Variants in ZNF556 observed in about 807,000 individuals in gnomAD.
The protein encoded by ZNF556 is zinc finger protein 556.
A neutral mutation model predicts 13.6 loss-of-function variants in ZNF556; 11 were observed. The ratio of observed to expected loss-of-function variants is 0.81; its 90% CI spans 0.51 to 1.33. ZNF556 has a LOEUF of 1.33. Among genes scored for constraint, ZNF556 ranks in the 40% most tolerant of loss-of-function variants. ZNF556 has a pLI of 0.00. For missense variants in ZNF556, 633 were observed against 566.2 expected, an observed-to-expected ratio of 1.12 and a Z score of -1.20; for synonymous variants, 229 against 207.8, an observed-to-expected ratio of 1.10 and a Z score of -0.88.
In ZNF556 at chr19:2,879,068, T is replaced by C. The variant is rs1283782712; in HGVS notation, c.*739T>C. ...CTGTGTGTTCCAAGCTGGATATTAC[T>C]ACCATGTTACTTTTATTCCACCTTT... On this transcript the variant is annotated 3_prime_UTR_variant, in exon 4 of 4. Coordinates refer to ENST00000307635, the MANE Select transcript of ZNF556 (RefSeq NM_024967.3). The C allele has an allele frequency of 5.9e-5, 9 of 152,212 alleles. No individual in the cohort carries two copies. The highest frequency in any genetic ancestry group is 1.3e-4 in the Non-Finnish European group (9 of 68,036). 9.4% of individuals were successfully genotyped at this position (152,212 alleles called of 1,614,324 possible).
rs981911896 is a variant in ZNF556 at position 2,880,240 on chromosome 19, A to G, written c.*1911A>G. On this transcript the variant is annotated 3_prime_UTR_variant, in exon 4 of 4. Transcript: ENST00000307635. ...AGTATGTGTTCAGTTATTATGTTTG[A>G]TTATGTATTATTAAAACAAAAGTTT... 1 of 152,122 alleles carries G rather than the reference A, an allele frequency of 6.6e-6. No individual in the cohort carries two copies. Among genetic ancestry groups the G allele is most frequent in the African/African-American group, 2.4e-5 (1 of 41,420 alleles). The allele number at this position is 152,122 out of a possible 1,614,324, so 9.4% of individuals were successfully genotyped here. A position where few individuals can be genotyped will look rare whatever the true frequency, so the allele number is the denominator to read the frequency against.
rs1466291701 is a variant in ZNF556 at position 2,880,972 on chromosome 19, A to T, written c.*2643A>T. 1 of 148,744 alleles carries T rather than the reference A, an allele frequency of 6.7e-6. No homozygotes were observed. Among genetic ancestry groups the T allele is most frequent in the Non-Finnish European group, 1.5e-5 (1 of 67,514 alleles). The allele number at this position is 148,744 out of a possible 1,614,324, so 9.2% of individuals were successfully genotyped here. On this transcript the variant is annotated 3_prime_UTR_variant, in exon 4 of 4. Transcript: ENST00000307635. ...CAACCCCCCCGCCAAGGTTCAAGTG[A>T]TTCTCCTACCTCAGCCTCCTGAAGA... is the stretch of plus-strand genomic sequence containing the variant.
intron 1 of ZNF556, 44 bp downstream of exon 1, chr19:2,867,468 G>A (rs1199009134): frequency 1.9e-6 from 3 of 1,571,854 alleles, no homozygotes; most frequent in South Asian, 2.3e-5. Context: ...AGCCCTGGGA[G>A]GGGAGGGTTG....
intron 1 of ZNF556, among the ~76,000 whole-genome samples, chr19:2,873,128 C>G: frequency 1.1e-5 from 1 of 87,836 alleles, no homozygotes; most frequent in Non-Finnish European, 2.3e-5. Flanking sequence ...AGCAAGACTC[C>G]GTCTCAAAAA....
intron 1 of ZNF556, among the ~76,000 whole-genome samples, chr19:2,870,000 G>A (rs572671236): frequency 5.9e-5 from 9 of 152,126 alleles, no homozygotes; most frequent in African/African-American, 1.7e-4. Context: ...GCCAAGACCC[G>A]CTCCTTCCAT....
Position 2,883,212 on chromosome 19 carries a change from G to A in ZNF556, c.*4883G>A, listed in dbSNP as rs1285912327. The A allele has an allele frequency of 1.3e-5, 2 of 152,122 alleles. No homozygotes were observed. The highest frequency in any genetic ancestry group is 2.9e-5 in the Non-Finnish European group (2 of 68,004). 9.4% of individuals were successfully genotyped at this position (152,122 alleles called of 1,614,324 possible). A position where few individuals can be genotyped will look rare whatever the true frequency, so the allele number is the denominator to read the frequency against. ...AGTCAAGGAATAACTGAAGTGAGCTGCAGACAGGATTATCATTTTGAGTAA... is the reference window on the plus strand; with the variant it reads ...AGTCAAGGAATAACTGAAGTGAGCTACAGACAGGATTATCATTTTGAGTAA... On this transcript the variant is annotated 3_prime_UTR_variant, in exon 4 of 4. Transcript: ENST00000307635.
chr19:2,877,237 G>A (rs758269357), intron 3 of ZNF556, 36 bp from the exon 4 acceptor site: 4 of 1,495,552 alleles, frequency 2.7e-6, no homozygotes, highest in African/African-American at 2.8e-5. Context: ...AAATTATTAA[G>A]GCATAAACCA....
At chr19:2,873,957 A>C (rs964385119) in intron 2 of ZNF556, among the ~76,000 whole-genome samples, 11 of 151,896 alleles carry the variant, frequency 7.2e-5, no homozygotes, top group African/African-American at 2.7e-4. Context: ...ACCCTGTCTC[A>C]AATAAAAAAG....
chr19:2,870,993 C>T (rs1232082491), intron 1 of ZNF556, among the ~76,000 whole-genome samples: 7 of 150,854 alleles, frequency 4.6e-5, no homozygotes, highest in African/African-American at 1.5e-4. Flanking sequence ...GAGCCGAGAT[C>T]GCACCATTGC....
chr19:2,872,084 G>A (rs1026052826), intron 1 of ZNF556, among the ~76,000 whole-genome samples: 18 of 152,186 alleles, frequency 1.2e-4, no homozygotes, highest in African/African-American at 4.3e-4. Flanking sequence ...AGGTGTACAG[G>A]ATGGAACATG....
intron 3 of ZNF556, 127 bp downstream of exon 3, chr19:2,876,403 C>T: frequency 2.2e-6 from 2 of 897,218 alleles, no homozygotes; most frequent in Non-Finnish European, 3.2e-6. Flanking sequence ...CAGCCTGACC[C>T]ATATGGTGAA....
At chr19:2,872,342 C>T (rs1192151765) in intron 1 of ZNF556, among the ~76,000 whole-genome samples, 3 of 151,356 alleles carry the variant, frequency 2.0e-5, no homozygotes, top group Non-Finnish European at 2.9e-5. Flanking sequence ...TCTTCCCAGA[C>T]GCTGGCGTTA....
At chr19:2,867,972 A>AT (rs1243188098) in intron 1 of ZNF556, among the ~76,000 whole-genome samples, 1 of 152,188 alleles carries the variant, frequency 6.6e-6, no homozygotes, top group Non-Finnish European at 1.5e-5. Context: ...TGAGCCTCAG[A>AT]TTTTTTCAGT....
rs533383593 is a variant in ZNF556 at position 2,876,134 on chromosome 19, C to T, written c.172C>T (p.Gln58Ter). ...TAAAGCCAGTGGGTCTATTTCTCAG[C>T]AGGATACTTCTGGAGAAAAATTATC... ...QLKASGSISQ[Q>*]DTSGEKLSLK... Residue 58 changes from glutamine to a stop codon, truncating the protein, a stop_gained, in exon 3 of 4, where the codon CAG becomes TAG. Coordinates refer to ENST00000307635, the MANE Select transcript of ZNF556 (RefSeq NM_024967.3). LOFTEE classifies it high-confidence loss of function. The T allele has an allele frequency of 2.9e-5, 46 of 1,612,426 alleles. No individual in the cohort carries two copies. Among genetic ancestry groups the T allele is most frequent in the South Asian group, 2.0e-4 (18 of 90,526 alleles).
intron 1 of ZNF556, among the ~76,000 whole-genome samples, chr19:2,871,224 A>G (rs1010743439): frequency 3.9e-5 from 6 of 152,194 alleles, no homozygotes; most frequent in Non-Finnish European, 7.3e-5. Context: ...CAGTCATAAT[A>G]AAGAAGGAAA....
At chr19:2,870,602 T>C (rs2087794370) in intron 1 of ZNF556, among the ~76,000 whole-genome samples, 1 of 151,340 alleles carries the variant, frequency 6.6e-6, no homozygotes, top group Non-Finnish European at 1.5e-5. Flanking sequence ...CAAAAATCAG[T>C]TGGACGTGGT....
intron 2 of ZNF556, chr19:2,875,201 A>G (rs577025309): frequency 4.1e-4 from 63 of 152,146 alleles, no homozygotes; most frequent in African/African-American, 1.5e-3. Context: ...TATTACTATT[A>G]TTATTATTTT....
At chr19:2,867,657 C>T (rs1878779759) in intron 1 of ZNF556, among the ~76,000 whole-genome samples, 1 of 149,994 alleles carries the variant, frequency 6.7e-6, no homozygotes, top group Non-Finnish European at 1.5e-5. Context: ...GCAGAAATGA[C>T]TCCTGCCCTG....
chr19:2,867,875 G>T (rs1370804209), intron 1 of ZNF556, among the ~76,000 whole-genome samples: 1 of 152,156 alleles, frequency 6.6e-6, no homozygotes, highest in African/African-American at 2.4e-5. Context: ...GGCACGGGCT[G>T]GCCTGACCCC....
Sources: gnomAD v4.1 joint callset for allele counts (sites outside exome capture counted in the v4.1 genomes callset) on GRCh38, gnomAD v4.1.1 for gene constraint, MANE v1.5 for transcripts, NCBI Gene and HGNC (gene_info 2026-07-23, HGNC 2026-07-21) for gene names.